PKP4: variants seen among roughly 807,000 people sequenced by gnomAD.
PKP4 encodes the protein plakophilin-4.
A neutral mutation model predicts 145.1 loss-of-function variants in PKP4; 90 were observed. The ratio of observed to expected loss-of-function variants is 0.62; its 90% CI spans 0.52 to 0.74. The LOEUF is 0.74. Ranked by LOEUF, PKP4 falls within the 30% of genes least tolerant of loss-of-function variation. The pLI, the probability that PKP4 is intolerant of heterozygous loss-of-function variation, is 0.00. For missense variants in PKP4, 1,340 were observed against 1,482.7 expected (o/e 0.90, Z 1.58); for synonymous variants, 563 against 577.2 (o/e 0.98, Z 0.35).
chr2:158,677,141 C>T, intron 20 of PKP4: 1 of 418,574 alleles, frequency 2.4e-6, no homozygotes, highest in Admixed American at 3.3e-5. Context: ...TCATTTCTGG[C>T]TGCTCACTGG....
chr2:158,563,285 A>C (rs1405805621), intron 2 of PKP4, among the ~76,000 whole-genome samples: 1 of 152,162 alleles, frequency 6.6e-6, no homozygotes, highest in Admixed American at 6.5e-5. Context: ...TAAATGCCCA[A>C]GGTAGAGGGA....
intron 1 of PKP4, among the ~76,000 whole-genome samples, chr2:158,521,317 A>T (rs989037931): frequency 2.6e-5 from 4 of 152,204 alleles, no homozygotes; most frequent in Non-Finnish European, 4.4e-5. Flanking sequence ...CTAATTACTA[A>T]TAAGGTTGAG....
intron 11 of PKP4, among the ~76,000 whole-genome samples, chr2:158,657,093 G>C (rs530048081): frequency 6.6e-6 from 1 of 152,238 alleles, no homozygotes; most frequent in East Asian, 1.9e-4. Flanking sequence ...GTACAGACTC[G>C]AGCAACTTGC....
intron 2 of PKP4, among the ~76,000 whole-genome samples, chr2:158,576,629 C>CAGCTTTTGA (rs1265653263): frequency 8.5e-5 from 13 of 152,132 alleles, no homozygotes; most frequent in African/African-American, 3.1e-4. Context: ...GACTATCTTC[C>CAGCTTTTGA]AGCTTTTGAA....
At chr2:158,644,953 T>A (rs528392747) in intron 11 of PKP4, among the ~76,000 whole-genome samples, 16 of 152,366 alleles carry the variant, frequency 1.1e-4, no homozygotes, top group African/African-American at 2.9e-4. Context: ...ATTAATTTCA[T>A]TCCCCCCAGG....
chr2:158,502,907 A>C (rs1696797775), intron 1 of PKP4, among the ~76,000 whole-genome samples: 1 of 152,268 alleles, frequency 6.6e-6, no homozygotes, highest in Non-Finnish European at 1.5e-5. Flanking sequence ...TTTGGACACA[A>C]ATCCTCGAGA....
At chr2:158,589,323 C>A (rs2049056785) in intron 3 of PKP4, among the ~76,000 whole-genome samples, 1 of 152,066 alleles carries the variant, frequency 6.6e-6, no homozygotes, top group Non-Finnish European at 1.5e-5. Context: ...CTGACATTTT[C>A]CCCTAAAGAT....
intron 11 of PKP4, among the ~76,000 whole-genome samples, chr2:158,652,469 A>G (rs2055464522): frequency 6.6e-6 from 1 of 152,194 alleles, no homozygotes; most frequent in Non-Finnish European, 1.5e-5. Flanking sequence ...CCATTGGGCT[A>G]AGGGGAGAAC....
At chr2:158,638,716 G>A (rs2054019718) in intron 9 of PKP4, among the ~76,000 whole-genome samples, 2 of 152,282 alleles carry the variant, frequency 1.3e-5, no homozygotes, top group South Asian at 4.1e-4. Flanking sequence ...GCAAAATGGA[G>A]AAAATGAATG....
intron 1 of PKP4, among the ~76,000 whole-genome samples, chr2:158,530,515 T>C (rs989081700): frequency 6.8e-6 from 1 of 146,298 alleles, no homozygotes; most frequent in Non-Finnish European, 1.5e-5. Context: ...TTTTTTTTTT[T>C]TTTTTTTTTT....
At chr2:158,639,348 G>A (rs527418060) in intron 9 of PKP4, among the ~76,000 whole-genome samples, 17 of 150,364 alleles carry the variant, frequency 1.1e-4, no homozygotes, top group East Asian at 7.8e-4. Context: ...GTGTGCGTGC[G>A]TGTGTGTTTG....
chr2:158,620,591 T>C (rs537721536), intron 4 of PKP4, among the ~76,000 whole-genome samples: 7 of 152,326 alleles, frequency 4.6e-5, no homozygotes, highest in Non-Finnish European at 7.4e-5. Context: ...CTCAATAATA[T>C]GAACGTTGTG....
chr2:158,477,312 G>C (rs968437646), intron 1 of PKP4, among the ~76,000 whole-genome samples: 6 of 152,122 alleles, frequency 3.9e-5, no homozygotes, highest in African/African-American at 7.2e-5. Flanking sequence ...AGAAGGCCTG[G>C]GCTAGGTACC....
At chr2:158,503,935 T>TC (rs1419138669) in intron 1 of PKP4, among the ~76,000 whole-genome samples, 1 of 149,064 alleles carries the variant, frequency 6.7e-6, no homozygotes, top group Non-Finnish European at 1.5e-5. Context: ...ACTTTGAGAC[T>TC]ACTGTTTTAG....
intron 6 of PKP4, among the ~76,000 whole-genome samples, chr2:158,623,735 G>T (rs2105897201): frequency 6.6e-6 from 1 of 152,208 alleles, no homozygotes; most frequent in African/African-American, 2.4e-5. Flanking sequence ...TCTGATCCCT[G>T]CTTCTTTCCT....
At chr2:158,513,933 C>T (rs540383141) in intron 1 of PKP4, among the ~76,000 whole-genome samples, 1 of 152,336 alleles carries the variant, frequency 6.6e-6, no homozygotes, top group Admixed American at 6.5e-5. Context: ...TAGTAAGTCT[C>T]ATCTTCCCTG....
intron 11 of PKP4, among the ~76,000 whole-genome samples, chr2:158,643,726 A>AG (rs1558941977): frequency 9.0e-6 from 1 of 111,432 alleles, no homozygotes; most frequent in Non-Finnish European, 2.0e-5. Flanking sequence ...AAAAAAAAAA[A>AG]AAGAAAAGAA....
At chr2:158,461,245 G>T (rs532325735) in intron 1 of PKP4, among the ~76,000 whole-genome samples, 1 of 152,226 alleles carries the variant, frequency 6.6e-6, no homozygotes, top group South Asian at 2.1e-4. Flanking sequence ...ACTAAATTGG[G>T]GATGTTACAT....
At chr2:158,528,821 A>C (rs2043232490) in intron 1 of PKP4, among the ~76,000 whole-genome samples, 1 of 152,182 alleles carries the variant, frequency 6.6e-6, no homozygotes, top group Non-Finnish European at 1.5e-5. Flanking sequence ...AAAACAAGCT[A>C]ATGCTACAAT....
Sources: gnomAD v4.1 joint callset for allele counts (sites outside exome capture counted in the v4.1 genomes callset) on GRCh38, gnomAD v4.1.1 for gene constraint, MANE v1.5 for transcripts, NCBI Gene and HGNC (gene_info 2026-07-23, HGNC 2026-07-21) for gene names.